The following DTNA variants were observed in gnomAD, a reference collection of about 807,000 sequenced individuals.
DTNA encodes the protein dystrophin-related protein 3.
DTNA carries 43 observed loss-of-function variants against 100.7 expected under a neutral mutation model. The observed-to-expected ratio is 0.43, with a 90% CI of 0.33 to 0.55. The LOEUF is 0.55. DTNA is among the 20% of genes least tolerant of loss of function. DTNA has a pLI of 0.04. For missense variants in DTNA, 798 were observed against 953.9 expected (o/e 0.84, Z 2.15); for synonymous variants, 349 against 347.9 (o/e 1.00, Z -0.04).
chr18:34,602,362 C>T (rs2052047025), intron 1 of DTNA, among the ~76,000 whole-genome samples: 1 of 152,140 alleles, frequency 6.6e-6, no homozygotes, highest in Non-Finnish European at 1.5e-5. Context: ...GAATTTGGAA[C>T]ATGCTGTATA....
At chr18:34,806,645 A>C (rs941235734) in intron 5 of DTNA, among the ~76,000 whole-genome samples, 1 of 152,146 alleles carries the variant, frequency 6.6e-6, no homozygotes, top group Non-Finnish European at 1.5e-5. Context: ...CTTAGTGGGA[A>C]ACCTTCCCCT....
chr18:34,723,266 G>A (rs184990633), intron 1 of DTNA, among the ~76,000 whole-genome samples: 8 of 152,212 alleles, frequency 5.3e-5, no homozygotes, highest in East Asian at 1.9e-4. Flanking sequence ...GCAAAGCATC[G>A]GCAACTCTGT....
rs2096785910 is a variant in DTNA, at chr18:34,873,548, G to C, written c.1744-1691G>C. On this transcript the variant is annotated intron_variant, in intron 17 of 22. Transcript: ENST00000444659. ...AGCCCAGGGCACTCAGAGCCCCTGG[G>C]CTCAGCCCCAGCCCTGCCCCTCTGA... Among the ~76,000 whole-genome samples, 8 of 152,168 alleles carry C rather than the reference G, an allele frequency of 5.3e-5. No homozygotes were observed. The South Asian group carries it at 1.7e-3, about 32-fold the overall frequency.
rs748607011 is a variant in DTNA, at chr18:34,794,242, G to T, written c.354G>T (p.Ala118=). ...TCCTCCTTAACTTCCTGCTTGCAGC[G>T]TTTGATCCGTAAGCACCCTCTGAAT... ...ISLLLNFLLA[A]FDPEGHGKIS... Residue 118 remains alanine, a synonymous_variant, in exon 4 of 23, where the codon GCG becomes GCT. Coordinates refer to ENST00000444659, the MANE Select transcript of DTNA (RefSeq NM_001386795.1). 1.2e-6 allele frequency: 2 copies of T among 1,613,884 alleles called. No homozygotes were observed. Among genetic ancestry groups the T allele is most frequent in the Non-Finnish European group, 1.7e-6 (2 of 1,179,888 alleles).
At position 34,726,797 on chromosome 18, in the gene DTNA, AT is replaced by A. The variant is rs550659992; in HGVS notation, c.-2+16356del. 3.9e-4 allele frequency among the ~76,000 whole-genome samples: 59 copies of A among 152,060 alleles called. No individual in the cohort carries two copies. The South Asian group carries it at 0.012, about 31-fold the overall frequency. On this transcript the variant is annotated intron_variant, in intron 1 of 22. Coordinates refer to ENST00000444659, the MANE Select transcript of DTNA (RefSeq NM_001386795.1). The stretch of plus-strand genomic sequence containing the variant: ...GATGCAAGCTGCCAGTGGCTCTACC[AT>A]TTTCCCAACTGAAGGACAGCAACCC...
intron 1 of DTNA, among the ~76,000 whole-genome samples, chr18:34,639,801 C>A (rs552811163): frequency 1.3e-5 from 2 of 152,286 alleles, no homozygotes; most frequent in South Asian, 4.1e-4. Flanking sequence ...TCTTATTCTG[C>A]TCCCATGGAG....
At chr18:34,593,344 A>G (rs1002737186) in intron 1 of DTNA, 1 of 152,246 alleles carries the variant, frequency 6.6e-6, no homozygotes, top group South Asian at 2.1e-4. Flanking sequence ...TAGACACAGT[A>G]CACACCAGGA....
chr18:34,820,444 CCCCAGA>C (rs1045989520), intron 8 of DTNA, among the ~76,000 whole-genome samples: 13 of 152,300 alleles, frequency 8.5e-5, no homozygotes, highest in African/African-American at 3.1e-4. Flanking sequence ...CTGCTTTCCT[CCCCAGA>C]AGGGCTCCCT....
chr18:34,518,440 A>G (rs757564636), intron 1 of DTNA, among the ~76,000 whole-genome samples: 33 of 152,096 alleles, frequency 2.2e-4, no homozygotes, highest in Non-Finnish European at 4.0e-4. Flanking sequence ...ACCATTTGAT[A>G]ATAATCCATT....
At chr18:34,747,215 A>C (rs141866843) in intron 1 of DTNA, among the ~76,000 whole-genome samples, 7 of 152,210 alleles carry the variant, frequency 4.6e-5, no homozygotes, top group African/African-American at 1.7e-4. Flanking sequence ...ATAGAAACAT[A>C]CTGCAAAGCA....
At chr18:34,530,547 C>A (rs1042235933) in intron 1 of DTNA, among the ~76,000 whole-genome samples, 2 of 152,084 alleles carry the variant, frequency 1.3e-5, no homozygotes, top group African/African-American at 4.8e-5. Context: ...TTTCTCCTTT[C>A]TATCATATTA....
At chr18:34,726,036 G>A (rs2086594713) in intron 1 of DTNA, among the ~76,000 whole-genome samples, 1 of 152,100 alleles carries the variant, frequency 6.6e-6, no homozygotes, top group Non-Finnish European at 1.5e-5. Context: ...CTCATAAGTG[G>A]TAGTTGAACA....
At chr18:34,743,218 C>T (rs1162063784) in intron 1 of DTNA, among the ~76,000 whole-genome samples, 3 of 152,072 alleles carry the variant, frequency 2.0e-5, no homozygotes, top group African/African-American at 4.8e-5. Flanking sequence ...GGAAAGGAAC[C>T]GTGGTGTGCA....
chr18:34,773,966 A>G (rs1383146695), intron 3 of DTNA, among the ~76,000 whole-genome samples: 3 of 152,220 alleles, frequency 2.0e-5, no homozygotes, highest in Non-Finnish European at 4.4e-5. Flanking sequence ...CTGCCACTGC[A>G]TAACCTGTGA....
Position 34,758,433 on chromosome 18 carries a change from G to A in DTNA, c.67+2390G>A, listed in dbSNP as rs1032963637. Among the ~76,000 whole-genome samples, 46 of 152,296 alleles carry A rather than the reference G, an allele frequency of 3.0e-4. 1 individual carries two copies. The highest frequency in any genetic ancestry group is 2.7e-3 in the East Asian group (14 of 5,184). ...CTTTTATCCAAGACTATTGCAACAA[G>A]GGAGAAAGACTGAACTCAACTTCCC... On this transcript the variant is annotated intron_variant, in intron 2 of 22. Transcript: ENST00000444659.
At chr18:34,533,838 T>C (rs578036836) in intron 1 of DTNA, among the ~76,000 whole-genome samples, 33 of 152,262 alleles carry the variant, frequency 2.2e-4, no homozygotes, top group African/African-American at 7.2e-4. Context: ...GGAAATCTTA[T>C]GACAATCGTT....
chr18:34,713,033 A>T (rs964031026), intron 1 of DTNA, among the ~76,000 whole-genome samples: 1 of 152,124 alleles, frequency 6.6e-6, no homozygotes, highest in Non-Finnish European at 1.5e-5. Context: ...TTAACCTCCG[A>T]TTTTATTAAG....
At position 34,817,988 on chromosome 18, in the gene DTNA, T is replaced by C. The variant is rs189743071; in HGVS notation, c.710-176T>C. 1.8e-5 allele frequency: 27 copies of C among 1,502,448 alleles called. No individual in the cohort carries two copies. The East Asian group carries it at 6.2e-4, about 35-fold the overall frequency. 93.1% of individuals were successfully genotyped at this position (1,502,448 alleles called of 1,614,324 possible). A position where few individuals can be genotyped will look rare whatever the true frequency, so the allele number is the denominator to read the frequency against. ...TCATTTCATTTCCCCACAGGCATGATTGAAAAGGGTTGTAAGATTCCAGGA... is the reference window on the plus strand; with the variant it reads ...TCATTTCATTTCCCCACAGGCATGACTGAAAAGGGTTGTAAGATTCCAGGA... On this transcript the variant is annotated intron_variant, in intron 7 of 22. Transcript: ENST00000444659.
At chr18:34,807,908 G>C (rs2095405604) in intron 5 of DTNA, among the ~76,000 whole-genome samples, 1 of 148,846 alleles carries the variant, frequency 6.7e-6, no homozygotes, top group South Asian at 2.1e-4. Flanking sequence ...GTAATCCTCG[G>C]GCATTTCCTT....
Sources: gnomAD v4.1 joint callset for allele counts (sites outside exome capture counted in the v4.1 genomes callset) on GRCh38, gnomAD v4.1.1 for gene constraint, MANE v1.5 for transcripts, NCBI Gene and HGNC (gene_info 2026-07-23, HGNC 2026-07-21) for gene names.